SLC50A1: variants seen among roughly 807,000 people sequenced by gnomAD.
SLC50A1 encodes the protein sugar transporter SWEET1.
Under a neutral mutation model 28.9 loss-of-function variants are expected in SLC50A1, and 22 were observed. The observed-to-expected ratio is 0.76, with a 90% CI of 0.54 to 1.09. SLC50A1 has a LOEUF of 1.09. Among genes scored for constraint, SLC50A1 ranks in the 50% least tolerant of loss-of-function variants. The pLI, the probability that SLC50A1 is intolerant of heterozygous loss-of-function variation, is 0.00. For missense variants in SLC50A1, 233 were observed against 273.4 expected (o/e 0.85, Z 1.04); for synonymous variants, 96 against 110.6 (o/e 0.87, Z 0.83).
upstream of SLC50A1, chr1:155,135,809 G>C: frequency 6.4e-7 from 1 of 1,568,360 alleles, no homozygotes. Flanking sequence ...GCGGAGCCGA[G>C]TGCGCGGGGC....
In SLC50A1 at chr1:155,137,728, TG is replaced by T. The variant is rs1664573224; in HGVS notation, c.444+11del. 4 of 1,613,488 alleles carry T rather than the reference TG, an allele frequency of 2.5e-6. No individual in the cohort carries two copies. Among genetic ancestry groups the T allele is most frequent in the Non-Finnish European group, 3.4e-6 (4 of 1,179,868 alleles). Reference sequence around the variant, plus strand: ...TCTCACCACTGGCTGACTTGGTGAGTGGGGGTGTCCAAGGAGGTAGGAGAGA... The same window carrying T: ...TCTCACCACTGGCTGACTTGGTGAGTGGGGTGTCCAAGGAGGTAGGAGAGA... On this transcript the variant is annotated splice_region_variant and intron_variant, in intron 4 of 5. Transcript: ENST00000368404.
chr1:155,138,001 C>A lies in SLC50A1; in HGVS notation c.467C>A (p.Ser156Ter). 1 of 1,614,148 alleles carries A rather than the reference C, an allele frequency of 6.2e-7. No homozygotes were observed. The highest frequency in any genetic ancestry group is 1.1e-5 in the South Asian group (1 of 91,076). ...CAGGCTAAGGTGATTCAAACTAAAT[C>A]AACCCAATGTCTCTCCTACCCACTC... ...ADLAKVIQTK[S>*]TQCLSYPLTI... is the part of the protein sequence containing the mutation. Residue 156 changes from serine to a stop codon, truncating the protein, a stop_gained, in exon 5 of 6, where the codon TCA becomes TAA. Transcript: ENST00000368404. LOFTEE classifies it high-confidence loss of function.
In SLC50A1 at chr1:155,135,931, T is replaced by G; in HGVS notation, c.20T>G (p.Leu7Arg). The change falls in exon 1 of 6, where the codon CTG becomes CGG. Residue 7 changes from leucine (L) to arginine (R), a missense_variant. Physicochemically the swap from Leu to Arg is moderately radical, Grantham distance 102 (BLOSUM62 -2). Coordinates refer to ENST00000368404, the MANE Select transcript of SLC50A1 (RefSeq NM_018845.4). MEAGGF[L>R]DSLIYGACVV... ...GTCGTAATGGAGGCGGGCGGCTTTCTGGACTCGCTCATTTACGGAGCATGC... is the reference window on the plus strand; with the variant it reads ...GTCGTAATGGAGGCGGGCGGCTTTCGGGACTCGCTCATTTACGGAGCATGC... The G allele has an allele frequency of 2.5e-6, 4 of 1,613,962 alleles. No homozygotes were observed. The highest frequency in any genetic ancestry group is 3.4e-6 in the Non-Finnish European group (4 of 1,179,982).
At position 155,135,916 on chromosome 1, in the gene SLC50A1, AGGCG is replaced by A. The variant is rs753319131; in HGVS notation, c.11_14del (p.Gly4AlafsTer31). On this transcript the variant is annotated frameshift_variant, in exon 1 of 6. Coordinates refer to ENST00000368404, the MANE Select transcript of SLC50A1 (RefSeq NM_018845.4). LOFTEE classifies it high-confidence loss of function. ...CGGGATCCGACTCTAGTCGTAATGG[AGGCG>A]GGCGGCTTTCTGGACTCGCTCATTT... is the stretch of plus-strand genomic sequence containing the variant. The A allele has an allele frequency of 1.2e-6, 2 of 1,613,696 alleles. No individual in the cohort carries two copies. Among genetic ancestry groups the A allele is most frequent in the Admixed American group, 3.3e-5 (2 of 59,976 alleles).
In SLC50A1 at chr1:155,136,386, C is replaced by G; in HGVS notation, c.158+10C>G. ...TCACCACGGAAGTCAAGTGAGGGGC[C>G]GACGGCTGCGGTAGTGGGAAAGGCT... On this transcript the variant is annotated intron_variant, in intron 2 of 5. Coordinates refer to ENST00000368404, the MANE Select transcript of SLC50A1 (RefSeq NM_018845.4). 6.2e-7 allele frequency: 1 copy of G among 1,608,830 alleles called. No homozygotes were observed. The highest frequency in any genetic ancestry group is 8.5e-7 in the Non-Finnish European group (1 of 1,177,190).
upstream of SLC50A1, chr1:155,135,386 ATG>A (rs1311897889): frequency 1.9e-6 from 1 of 528,992 alleles, no homozygotes; most frequent in Admixed American, 3.5e-5. Context: ...ATTCCTGGTA[ATG>A]TGTTATTTTG....
chr1:155,136,414 C>T (rs1664476708), intron 2 of SLC50A1, 38 bp downstream of exon 2: 1 of 1,585,132 alleles, frequency 6.3e-7, no homozygotes, highest in African/African-American at 1.3e-5. Flanking sequence ...GAAAGGCTAC[C>T]AGAGGGAGGT....
Position 155,137,739 on chromosome 1 carries a change from A to G in SLC50A1, c.444+17A>G. The G allele has an allele frequency of 6.2e-7, 1 of 1,613,866 alleles. No homozygotes were observed. Among genetic ancestry groups the G allele is most frequent in the Non-Finnish European group, 8.5e-7 (1 of 1,179,874 alleles). On this transcript the variant is annotated intron_variant, in intron 4 of 5. Coordinates refer to ENST00000368404, the MANE Select transcript of SLC50A1 (RefSeq NM_018845.4). ...GCTGACTTGGTGAGTGGGGGTGTCC[A>G]AGGAGGTAGGAGAGATAAGAGTCAG...
Position 155,136,342 on chromosome 1 carries a change from G to A in SLC50A1, c.124G>A (p.Val42Ile). 1 of 1,612,386 alleles carries A rather than the reference G, an allele frequency of 6.2e-7. No individual in the cohort carries two copies. The highest frequency in any genetic ancestry group is 8.5e-7 in the Non-Finnish European group (1 of 1,179,346). The change falls in exon 2 of 6, where the codon GTC becomes ATC. Residue 42 changes from valine (V) to isoleucine (I), a missense_variant. Val to Ile is a conservative substitution (Grantham distance 29, BLOSUM62 3). Transcript: ENST00000368404. ...HMRMTRSVDN[V>I]QFLPFLTTEV... ...GCGAATGACCCGGAGTGTGGACAAC[G>A]TCCAGTTCCTGCCCTTTCTCACCAC... is the stretch of plus-strand genomic sequence containing the variant.
chr1:155,136,789 T>G (rs555744663), intron 2 of SLC50A1, 39 bp from the exon 3 acceptor site: 1 of 1,611,628 alleles, frequency 6.2e-7, no homozygotes, highest in East Asian at 2.2e-5. Context: ...CCTCTCACAC[T>G]GAACCCTTTG....
intron 2 of SLC50A1, 143 bp from the exon 3 acceptor site, chr1:155,136,685 G>A: frequency 2.5e-6 from 3 of 1,214,110 alleles, no homozygotes; most frequent in Non-Finnish European, 3.4e-6. Context: ...GGAGCTTGCA[G>A]TGAGCCGAGA....
At chr1:155,135,825 T>C, upstream of SLC50A1, 1 of 1,584,948 alleles carries the variant, frequency 6.3e-7, no homozygotes, top group South Asian at 1.1e-5. Context: ...GGGGCGGGGC[T>C]CCAGAGCCGC....
chr1:155,136,442 A>C (rs1664479020), intron 2 of SLC50A1, 66 bp downstream of exon 2: 3 of 1,478,744 alleles, frequency 2.0e-6, no homozygotes, highest in African/African-American at 2.8e-5. Context: ...GGGCAGGAGG[A>C]GCAAGAGTGA....
At position 155,138,371 on chromosome 1, in the gene SLC50A1, G is replaced by A. The variant is rs371098299; in HGVS notation, c.*90G>A. The A allele has an allele frequency of 9.6e-5, 116 of 1,206,986 alleles. No homozygotes were observed. In the East Asian group the frequency reaches 1.4e-3, roughly 14 times the overall value. 74.8% of individuals were successfully genotyped at this position (1,206,986 alleles called of 1,614,324 possible). ...GCTGGGCCTGCTGTCCAGCTTCCCAGGTGCAGTGGGTTGTGGGAACAAGAG... is the reference window on the plus strand; with the variant it reads ...GCTGGGCCTGCTGTCCAGCTTCCCAAGTGCAGTGGGTTGTGGGAACAAGAG... On this transcript the variant is annotated 3_prime_UTR_variant, in exon 6 of 6. Coordinates refer to ENST00000368404, the MANE Select transcript of SLC50A1 (RefSeq NM_018845.4).
At chr1:155,135,506 T>C (rs1664378394), upstream of SLC50A1, 1 of 1,327,334 alleles carries the variant, frequency 7.5e-7, no homozygotes, top group Non-Finnish European at 1.0e-6. Context: ...CTTGTTAAAC[T>C]AGCAAGCTTT....
Position 155,138,296 on chromosome 1 carries a change from C to T in SLC50A1, c.*15C>T. 1 of 1,612,228 alleles carries T rather than the reference C, an allele frequency of 6.2e-7. No individual in the cohort carries two copies. Among genetic ancestry groups the T allele is most frequent in the Middle Eastern group, 1.8e-4 (1 of 5,636 alleles). On this transcript the variant is annotated 3_prime_UTR_variant, in exon 6 of 6. Transcript: ENST00000368404. ...TGCAAACCTGAGGCTGCTCATCTGACCACTGGGCACCTTAGTGCCAACCTG... is the reference window on the plus strand; with the variant it reads ...TGCAAACCTGAGGCTGCTCATCTGATCACTGGGCACCTTAGTGCCAACCTG...
rs752877974 is a variant in SLC50A1, at chr1:155,138,019, A to C, written c.485A>C (p.Tyr162Ser). Residue 162 changes from tyrosine to serine, a missense_variant, in exon 5 of 6, where the codon TAC (tyrosine) becomes TCC (serine). Physicochemically the swap from Tyr to Ser is moderately radical, Grantham distance 144. Transcript: ENST00000368404. ...IQTKSTQCLSYPLTIATLLTS... is the reference protein window; with the variant it reads ...IQTKSTQCLSSPLTIATLLTS... ...ACTAAATCAACCCAATGTCTCTCCTACCCACTCACCATTGCTACCCTTCTC... is the reference window on the plus strand; with the variant it reads ...ACTAAATCAACCCAATGTCTCTCCTCCCCACTCACCATTGCTACCCTTCTC... 1.4e-5 allele frequency: 22 copies of C among 1,613,912 alleles called. No homozygotes were observed. The highest frequency in any genetic ancestry group is 2.7e-5 in the African/African-American group (2 of 74,852).
rs759787390 is a variant in SLC50A1 at position 155,136,870 on chromosome 1, G to A, written c.201G>A (p.Gly67=). The A allele has an allele frequency of 6.2e-7, 1 of 1,614,126 alleles. No individual in the cohort carries two copies. The highest frequency in any genetic ancestry group is 8.5e-7 in the Non-Finnish European group (1 of 1,180,058). ...GTTATGGGGCTTTGAAGGGAGACGG[G>A]ATCCTCATCGTCGTCAACACAGTGG... The part of the protein sequence containing the change: ...WLSYGALKGD[G]ILIVVNTVGA... The change falls in exon 3 of 6, where the codon GGG becomes GGA. Residue 67 remains glycine (G), a synonymous_variant. Coordinates refer to ENST00000368404, the MANE Select transcript of SLC50A1 (RefSeq NM_018845.4).
chr1:155,135,931 T>C lies in SLC50A1; in HGVS notation c.20T>C (p.Leu7Pro). The C allele has an allele frequency of 1.2e-6, 2 of 1,613,962 alleles. No individual in the cohort carries two copies. The highest frequency in any genetic ancestry group is 1.7e-6 in the Non-Finnish European group (2 of 1,179,982). ...GTCGTAATGGAGGCGGGCGGCTTTC[T>C]GGACTCGCTCATTTACGGAGCATGC... MEAGGF[L>P]DSLIYGACVV... Residue 7 changes from leucine to proline, a missense_variant, in exon 1 of 6, where the codon CTG (leucine) becomes CCG (proline). By Grantham distance (98) the Leu-to-Pro change is moderately conservative. Transcript: ENST00000368404.
Sources: allele counts gnomAD v4.1 joint callset, GRCh38; gene constraint gnomAD v4.1.1; transcripts MANE v1.5; gene names NCBI Gene and HGNC (gene_info 2026-07-23, HGNC 2026-07-21).